CAP2: variants seen among roughly 807,000 people sequenced by gnomAD.
The protein encoded by CAP2 is adenylyl cyclase-associated protein 2.
A neutral mutation model predicts 57.7 loss-of-function variants in CAP2; 24 were observed. The observed-to-expected ratio is 0.42, with a 90% CI of 0.30 to 0.58. The LOEUF (loss-of-function observed/expected upper bound fraction) is 0.58, where lower values mean the gene tolerates loss of function less well. Among genes scored for constraint, CAP2 ranks in the 20% least tolerant of loss-of-function variants. The pLI is 0.22. For synonymous variants in CAP2, 194 were observed against 207.2 expected (o/e 0.94, Z 0.55); for missense variants, 501 against 590.3 (o/e 0.85, Z 1.57).
chr6:17,480,574 G>A (rs1314731978), intron 4 of CAP2, among the ~76,000 whole-genome samples: 1 of 152,108 alleles, frequency 6.6e-6, no homozygotes, highest in Non-Finnish European at 1.5e-5. Context: ...TTGGGGAGTT[G>A]GAGAAGAGGT....
intron 3 of CAP2, among the ~76,000 whole-genome samples, chr6:17,454,051 C>T (rs1413784374): frequency 2.6e-5 from 4 of 151,776 alleles, no homozygotes. Flanking sequence ...GCTGGAACCA[C>T]AGGCAGGTGC....
chr6:17,476,668 AG>A (rs2113616155), intron 4 of CAP2, among the ~76,000 whole-genome samples: 1 of 152,220 alleles, frequency 6.6e-6, no homozygotes, highest in South Asian at 2.1e-4. Context: ...CCATCTCCCA[AG>A]GCTTAAATGG....
intron 3 of CAP2, among the ~76,000 whole-genome samples, chr6:17,456,755 A>G (rs1760581556): frequency 6.6e-6 from 1 of 152,128 alleles, no homozygotes; most frequent in South Asian, 2.1e-4. Flanking sequence ...GGATCTGGAA[A>G]TGCCTTTAGC....
At chr6:17,459,464 AT>A (rs1236486894) in intron 3 of CAP2, among the ~76,000 whole-genome samples, 5 of 152,228 alleles carry the variant, frequency 3.3e-5, no homozygotes, top group Non-Finnish European at 7.3e-5. Flanking sequence ...GAAAGAGCCA[AT>A]GTGGCAGCTA....
intron 2 of CAP2, among the ~76,000 whole-genome samples, chr6:17,424,215 A>G (rs1011556173): frequency 1.3e-5 from 2 of 152,116 alleles, no homozygotes; most frequent in African/African-American, 4.8e-5. Context: ...CCTGGCTAAC[A>G]CGGTGAAACT....
chr6:17,396,256 A>C (rs992805166), intron 1 of CAP2, among the ~76,000 whole-genome samples: 39 of 152,194 alleles, frequency 2.6e-4, no homozygotes, highest in Admixed American at 1.2e-3. Flanking sequence ...TCTTCAAATT[A>C]AACATAAAGT....
chr6:17,502,231 C>A (rs1472942936), intron 4 of CAP2, among the ~76,000 whole-genome samples: 1 of 152,094 alleles, frequency 6.6e-6, no homozygotes, highest in Non-Finnish European at 1.5e-5. Context: ...ATTGAGTGTG[C>A]CTAATATACG....
chr6:17,480,778 T>G (rs1203855112), intron 4 of CAP2, among the ~76,000 whole-genome samples: 23 of 150,610 alleles, frequency 1.5e-4, no homozygotes, highest in Admixed American at 2.6e-4. Context: ...TTTTGGTTTT[T>G]TTTTTTTTTT....
At chr6:17,400,230 C>T (rs767890759) in intron 1 of CAP2, among the ~76,000 whole-genome samples, 4 of 151,698 alleles carry the variant, frequency 2.6e-5, no homozygotes, top group African/African-American at 4.8e-5. Flanking sequence ...CATCTCAAAA[C>T]ACACACACAC....
chr6:17,419,056 A>G lies in CAP2; in HGVS notation c.-1-2499A>G, dbSNP rs529438291. Among the ~76,000 whole-genome samples, 10 of 152,338 alleles carry G rather than the reference A, an allele frequency of 6.6e-5. No homozygotes were observed. In the South Asian group the frequency reaches 1.9e-3, roughly 28 times the overall value. ...CCAGTTTCAGGAGAGATGACTTTCC[A>G]AAATAGACAGTAAACTCCGCCCTCC... On this transcript the variant is annotated intron_variant, in intron 1 of 12. Transcript: ENST00000229922.
At chr6:17,473,726 G>A (rs1171202666) in intron 4 of CAP2, among the ~76,000 whole-genome samples, 1 of 152,172 alleles carries the variant, frequency 6.6e-6, no homozygotes, top group African/African-American at 2.4e-5. Flanking sequence ...ACTTAGCAGA[G>A]GGCATGGTTC....
intron 7 of CAP2, among the ~76,000 whole-genome samples, chr6:17,528,878 A>C (rs758422953): frequency 1.3e-5 from 2 of 152,290 alleles, no homozygotes; most frequent in Non-Finnish European, 2.9e-5. Flanking sequence ...TGTTCTTGGA[A>C]AGGCCCCCAG....
intron 1 of CAP2, among the ~76,000 whole-genome samples, chr6:17,411,588 T>C (rs900332861): frequency 6.6e-6 from 1 of 152,244 alleles, no homozygotes; most frequent in Non-Finnish European, 1.5e-5. Flanking sequence ...TTGCCTGTCT[T>C]CTCTGGGAAG....
chr6:17,432,595 G>A (rs1759764319), intron 3 of CAP2, among the ~76,000 whole-genome samples: 1 of 152,144 alleles, frequency 6.6e-6, no homozygotes, highest in Non-Finnish European at 1.5e-5. Context: ...TCTGCCTCTA[G>A]GTTTCATCCA....
chr6:17,540,669 G>T (rs112361583), intron 8 of CAP2, among the ~76,000 whole-genome samples: 1 of 151,968 alleles, frequency 6.6e-6, no homozygotes, highest in Non-Finnish European at 1.5e-5. Flanking sequence ...CAGGAGAATC[G>T]CTTGAACCCA....
In CAP2 at chr6:17,507,210, T is replaced by G. The variant is rs1179869304; in HGVS notation, c.342T>G (p.Ile114Met). 1.2e-6 allele frequency: 2 copies of G among 1,614,028 alleles called. No homozygotes were observed. Among genetic ancestry groups the G allele is most frequent in the East Asian group, 4.5e-5 (2 of 44,896 alleles). Residue 114 changes from isoleucine (I) to methionine (M), a missense_variant, in exon 5 of 13, where the codon ATT becomes ATG. Physicochemically the swap from Ile to Met is conservative, Grantham distance 10. Coordinates refer to ENST00000229922, the MANE Select transcript of CAP2 (RefSeq NM_006366.3). ...TTCTGAAACCCATATCGGAAAAGAT[T>G]CAGGAAATCCAAACTTTCAGAGAGA... ...AALLKPISEK[I>M]QEIQTFRERN...
intron 3 of CAP2, among the ~76,000 whole-genome samples, chr6:17,432,343 C>T (rs1759758281): frequency 6.6e-6 from 1 of 152,112 alleles, no homozygotes; most frequent in Non-Finnish European, 1.5e-5. Flanking sequence ...TCAGAAGCAC[C>T]ACTGTGAGGC....
chr6:17,479,537 AGGAAAAAAGGAG>A (rs1205974642), intron 4 of CAP2, among the ~76,000 whole-genome samples: 2 of 152,128 alleles, frequency 1.3e-5, no homozygotes, highest in Admixed American at 6.5e-5. Flanking sequence ...GCAAGGAGGA[AGGAAAAAAGGAG>A]GGAAAAAAGG....
intron 3 of CAP2, among the ~76,000 whole-genome samples, chr6:17,459,558 A>T (rs1760668856): frequency 1.3e-5 from 2 of 152,242 alleles, no homozygotes; most frequent in South Asian, 4.1e-4. Flanking sequence ...TTTAAGGAAC[A>T]GAAACAGGTT....
Sources: gnomAD v4.1 joint callset for allele counts (sites outside exome capture counted in the v4.1 genomes callset) on GRCh38, gnomAD v4.1.1 for gene constraint, MANE v1.5 for transcripts, NCBI Gene and HGNC (gene_info 2026-07-23, HGNC 2026-07-21) for gene names.